Variants in ALAS2 observed in about 807,000 individuals in gnomAD.
The protein encoded by ALAS2 is 5'-aminolevulinate synthase 2, also known as 5-aminolevulinate synthase, erythroid-specific, mitochondrial.
ALAS2 carries 3 observed loss-of-function variants against 33.7 expected under a neutral mutation model. The ratio of observed to expected loss-of-function variants is 0.09; its 90% CI spans 0.04 to 0.23. The LOEUF (loss-of-function observed/expected upper bound fraction) is 0.23. ALAS2 is among the 10% of genes least tolerant of loss of function. The pLI, the probability that ALAS2 is intolerant of heterozygous loss-of-function variation, is 1.00. For missense variants in ALAS2, 304 were observed against 475.1 expected (o/e 0.64, Z 3.35); for synonymous variants, 191 against 177.3 (o/e 1.08, Z -0.61).
rs1016452350 is a variant in ALAS2, at chrX:55,020,499, G to T, written c.644C>A (p.Thr215Asn). 2 of 1,172,331 alleles carry T rather than the reference G, an allele frequency of 1.7e-6. No homozygotes were observed. The highest frequency in any genetic ancestry group is 5.1e-5 in the Admixed American group (2 of 39,573). ...HPQVLQATQETLQRHGAGAGG... is the reference protein window; with the variant it reads ...HPQVLQATQENLQRHGAGAGG... The stretch of plus-strand genomic sequence containing the variant: ...AGCTCCAGCACCATGACGCTGCAGG[G>T]TCTCCCTGGCCAGGAGAAAACAGGA... Residue 215 changes from threonine to asparagine, a missense_variant, in exon 6 of 11, where the codon ACC becomes AAC. Thr to Asn is a moderately conservative substitution (Grantham distance 65, BLOSUM62 0). This residue lies in a region of ALAS2 where 138 missense variants were observed against 265.3 expected (regional missense o/e 0.52). Coordinates refer to ENST00000650242, the MANE Select transcript of ALAS2 (RefSeq NM_000032.5).
Position 55,018,060 on chromosome X carries a change from T to C in ALAS2, c.824-395A>G, listed in dbSNP as rs192096070. Among the ~76,000 whole-genome samples the C allele has an allele frequency of 9.0e-3, 1,005 of 112,225 alleles. 12 individuals are homozygous for C. Among genetic ancestry groups the C allele is most frequent in the African/African-American group, 0.03 (917 of 30,900 alleles). ...TTGACTCGGACTGATGCTAGATTGT[T>C]CCTAGTCTAGATGAAATTCCATCCA... On this transcript the variant is annotated intron_variant, in intron 6 of 10. Transcript: ENST00000650242.
At position 55,013,559 on chromosome X, in the gene ALAS2, G is replaced by A. The variant is rs749702241; in HGVS notation, c.1527C>T (p.Val509=). 1 of 1,209,295 alleles carries A rather than the reference G, an allele frequency of 8.3e-7. No individual in the cohort carries two copies. The highest frequency in any genetic ancestry group is 3.0e-5 in the East Asian group (1 of 33,728). Reference sequence around the variant, plus strand: ...AGCGCAGGAGCTCTTCACCCCGGGGGACAGTTGGGTAGTTGATGGCCTGCA... The same window carrying A: ...AGCGCAGGAGCTCTTCACCCCGGGGAACAGTTGGGTAGTTGATGGCCTGCA... The part of the protein sequence containing the change: ...IYVQAINYPT[V]PRGEELLRLA... The change falls in exon 10 of 11, where the codon GTC becomes GTT. Residue 509 remains valine, a synonymous_variant. Coordinates refer to ENST00000650242, the MANE Select transcript of ALAS2 (RefSeq NM_000032.5).
chrX:55,030,963 G>A lies in ALAS2; in HGVS notation c.-37C>T, dbSNP rs1276115878. ...TTACCTGTTGCCCTGCACTGAGGACGAACGAATGACAGGTGGGTACTTGGG... is the reference window on the plus strand; with the variant it reads ...TTACCTGTTGCCCTGCACTGAGGACAAACGAATGACAGGTGGGTACTTGGG... On this transcript the variant is annotated 5_prime_UTR_variant, in exon 1 of 11. Coordinates refer to ENST00000650242, the MANE Select transcript of ALAS2 (RefSeq NM_000032.5). 2 of 340,362 alleles carry A rather than the reference G, an allele frequency of 5.9e-6. No individual in the cohort carries two copies. Among genetic ancestry groups the A allele is most frequent in the Non-Finnish European group, 1.2e-5 (2 of 169,741 alleles). The allele number at this position is 340,362 out of a possible 1,213,427, so 28.0% of individuals were successfully genotyped here.
intron 10 of ALAS2, among the ~76,000 whole-genome samples, chrX:55,009,798 A>G (rs1836609183): frequency 8.9e-6 from 1 of 112,040 alleles, no homozygotes; most frequent in Non-Finnish European, 1.9e-5. Context: ...TACCCCAGGT[A>G]CGTTCCAGGG....
intron 6 of ALAS2, among the ~76,000 whole-genome samples, chrX:55,019,372 C>G (rs765870376): frequency 9.0e-6 from 1 of 111,224 alleles, no homozygotes; most frequent in African/African-American, 3.3e-5. Context: ...TTTGAAGATG[C>G]TTATGAGTTT....
chrX:55,017,348 A>G (rs769140407), intron 7 of ALAS2, 138 bp downstream of exon 7: 42 of 570,189 alleles, frequency 7.4e-5, no homozygotes, highest in Non-Finnish European at 1.2e-4. Context: ...TACATGTAAA[A>G]TACTAATAAT....
intron 1 of ALAS2, chrX:55,027,797 C>A: frequency 1.7e-6 from 2 of 1,211,651 alleles, no homozygotes; most frequent in Non-Finnish European, 1.1e-6. Context: ...AGCAACCTCT[C>A]CCCCTCTCAT....
At position 55,009,689 on chromosome X, in the gene ALAS2, A is replaced by G. The variant is rs1444547199; in HGVS notation, c.1601-346T>C. Among the ~76,000 whole-genome samples the G allele has an allele frequency of 2.7e-5, 3 of 110,826 alleles. No individual in the cohort carries two copies. The Admixed American group carries it at 2.9e-4, about 11-fold the overall frequency. ...GAGGACAATGATAATGACAGTAACT[A>G]TACTGTGTCATTGGTGCTATGACCA... On this transcript the variant is annotated intron_variant, in intron 10 of 10. Coordinates refer to ENST00000650242, the MANE Select transcript of ALAS2 (RefSeq NM_000032.5).
chrX:55,029,083 T>G (rs1184356363), intron 1 of ALAS2, among the ~76,000 whole-genome samples: 1 of 112,226 alleles, frequency 8.9e-6, no homozygotes, highest in Non-Finnish European at 1.9e-5. Flanking sequence ...TGTTAAATAT[T>G]ATATTTAATT....
intron 10 of ALAS2, among the ~76,000 whole-genome samples, chrX:55,009,698 C>G (rs749787300): frequency 9.0e-6 from 1 of 110,837 alleles, no homozygotes; most frequent in Admixed American, 9.5e-5. Flanking sequence ...TATACTGTGT[C>G]ATTGGTGCTA....
chrX:55,016,789 A>G (rs1180631128), intron 7 of ALAS2, among the ~76,000 whole-genome samples: 2 of 112,250 alleles, frequency 1.8e-5, no homozygotes, highest in African/African-American at 3.2e-5. Flanking sequence ...CTAAAGCATA[A>G]TAACTAGAAT....
chrX:55,010,240 C>G (rs1280681126), intron 10 of ALAS2, among the ~76,000 whole-genome samples: 1 of 112,067 alleles, frequency 8.9e-6, no homozygotes, highest in African/African-American at 3.2e-5. Flanking sequence ...CCACCATCAT[C>G]TCTCACCTGG....
chrX:55,012,110 C>T (rs1935610935), intron 10 of ALAS2, among the ~76,000 whole-genome samples: 2 of 111,932 alleles, frequency 1.8e-5, no homozygotes, highest in South Asian at 3.8e-4. Context: ...ATGAATGGCG[C>T]CTACCTAGCT....
chrX:55,018,531 C>A (rs1401832013), intron 6 of ALAS2, among the ~76,000 whole-genome samples: 1 of 111,697 alleles, frequency 9.0e-6, no homozygotes, highest in African/African-American at 3.3e-5. Flanking sequence ...AGTAAGCACA[C>A]AGTAGATGCT....
intron 2 of ALAS2, 44 bp downstream of exon 2, chrX:55,025,776 C>G (rs1935881466): frequency 8.5e-7 from 1 of 1,177,412 alleles, no homozygotes; most frequent in Admixed American, 2.2e-5. Flanking sequence ...ACTTTTACCC[C>G]AGGACCCTAA....
Position 55,015,254 on chromosome X carries a change from C to A in ALAS2, c.1169-239G>T, listed in dbSNP as rs1395732098. The stretch of plus-strand genomic sequence containing the variant: ...AGATAGGCAGGAGCTGGGTGGGGAC[C>A]TTTAGCTGGATAGGGTCAGGAGTGG... On this transcript the variant is annotated intron_variant, in intron 8 of 10. Transcript: ENST00000650242. Among the ~76,000 whole-genome samples the A allele has an allele frequency of 4.6e-5, 5 of 109,206 alleles. No individual in the cohort carries two copies. In the East Asian group the frequency reaches 1.4e-3, roughly 31 times the overall value. 94.8% of individuals were successfully genotyped at this position (109,206 alleles called of 115,157 possible).
rs1402343487 is a variant in ALAS2 at position 55,025,988 on chromosome X, C to A, written c.13G>T (p.Ala5Ser). The A allele has an allele frequency of 8.3e-7, 1 of 1,210,997 alleles. No individual in the cohort carries two copies. The highest frequency in any genetic ancestry group is 1.7e-5 in the African/African-American group (1 of 57,708). The part of the protein sequence containing the change: MVTA[A>S]MLLQCCPVLA... ...ACTGGGCAGCACTGTAGCAGCATGGCTGCAGTCACCATCTTGAACCTAAAG... is the reference window on the plus strand; with the variant it reads ...ACTGGGCAGCACTGTAGCAGCATGGATGCAGTCACCATCTTGAACCTAAAG... Residue 5 changes from alanine (A) to serine (S), a missense_variant, in exon 2 of 11, where the codon GCC becomes TCC. By Grantham distance (99) the Ala-to-Ser change is moderately conservative. Coordinates refer to ENST00000650242, the MANE Select transcript of ALAS2 (RefSeq NM_000032.5).
At position 55,021,068 on chromosome X, in the gene ALAS2, C is replaced by T; in HGVS notation, c.622G>A (p.Val208Ile). ...DYLGMSRHPQ[V>I]LQATQETLQR... ...ACTACTCACTGTGTGGCTTGCAAGA[C>T]CTGAGGGTGTCGGCTCATGCCCAGG... is the stretch of plus-strand genomic sequence containing the variant. Residue 208 changes from valine to isoleucine, a missense_variant, in exon 5 of 11, where the codon GTC (valine) becomes ATC (isoleucine). Around this residue, in one of 3 missense-constraint regions of ALAS2, gnomAD observed 138 missense variants for 265.3 expected, o/e 0.52. Coordinates refer to ENST00000650242, the MANE Select transcript of ALAS2 (RefSeq NM_000032.5). 2 of 1,210,852 alleles carry T rather than the reference C, an allele frequency of 1.7e-6. No individual in the cohort carries two copies. Among genetic ancestry groups the T allele is most frequent in the Non-Finnish European group, 2.2e-6 (2 of 895,252 alleles).
intron 1 of ALAS2, 92 bp from the exon 2 acceptor site, chrX:55,026,107 C>T: frequency 1.2e-6 from 1 of 826,537 alleles, no homozygotes; most frequent in South Asian, 2.2e-5. Flanking sequence ...CCACCCAAAA[C>T]TTGCTGCCTC....
Sources: gnomAD v4.1 joint callset for allele counts (sites outside exome capture counted in the v4.1 genomes callset) on GRCh38, gnomAD v4.1.1 for gene constraint, gnomAD v4.1.1 regional missense constraint, MANE v1.5 for transcripts, NCBI Gene and HGNC (gene_info 2026-07-23, HGNC 2026-07-21) for gene names.